Variants in DTWD2 observed in about 807,000 individuals in gnomAD.
DTWD2 encodes the protein tRNA-uridine aminocarboxypropyltransferase 2.
DTWD2 carries 39 observed loss-of-function variants against 31.8 expected under a neutral mutation model. That is an observed-to-expected ratio of 1.22 (90% CI 0.95 to 1.60). The LOEUF is 1.60. DTWD2 is among the 40% of genes most tolerant of loss of function. The probability of loss-of-function intolerance (pLI) is 0.00; values close to 1 mark genes in which losing one functional copy is unlikely to be tolerated. For synonymous variants in DTWD2, 180 were observed against 142.8 expected, an observed-to-expected ratio of 1.26 and a Z score of -1.86; for missense variants, 515 against 381.5, an observed-to-expected ratio of 1.35 and a Z score of -2.92.
chr5:118,856,843 G>A (rs1752147064), intron 4 of DTWD2, among the ~76,000 whole-genome samples: 1 of 126,920 alleles, frequency 7.9e-6, no homozygotes, highest in African/African-American at 3.0e-5. Context: ...CGCAATCTCA[G>A]CTCACTGCAA....
chr5:118,938,917 A>C lies in DTWD2; in HGVS notation c.404+279T>G, dbSNP rs76108261. ...TTTAACAAAAATGATATAAACACTA[A>C]GTATATTTGCCTTTTAAGTTAAACA... is the stretch of plus-strand genomic sequence containing the variant. On this transcript the variant is annotated intron_variant, in intron 3 of 5. Coordinates refer to ENST00000510708, the MANE Select transcript of DTWD2 (RefSeq NM_173666.4). Among the ~76,000 whole-genome samples the C allele has an allele frequency of 6.1e-3, 923 of 152,072 alleles. 19 individuals carry two copies. Among genetic ancestry groups the C allele is most frequent in the African/African-American group, 0.021 (872 of 41,522 alleles).
chr5:118,928,546 A>T lies in DTWD2; in HGVS notation c.588T>A (p.His196Gln). The T allele has an allele frequency of 1.3e-6, 2 of 1,503,852 alleles. No homozygotes were observed. Among genetic ancestry groups the T allele is most frequent in the Non-Finnish European group, 1.8e-6 (2 of 1,128,914 alleles). The allele number at this position is 1,503,852 out of a possible 1,614,324, so 93.2% of individuals were successfully genotyped here. ...AAAATTACTAGTTTACCTGTTTGGGATGTCGGAACAAGGAGTTCTTATAGA... is the reference window on the plus strand; with the variant it reads ...AAAATTACTAGTTTACCTGTTTGGGTTGTCGGAACAAGGAGTTCTTATAGA... The part of the protein sequence containing the change: ...DIFYKNSLFR[H>Q]PKQVQLKTSI... The change falls in exon 4 of 6, where the codon CAT becomes CAA. Residue 196 changes from histidine (H) to glutamine (Q), a missense_variant. Physicochemically the swap from His to Gln is conservative, Grantham distance 24. Coordinates refer to ENST00000510708, the MANE Select transcript of DTWD2 (RefSeq NM_173666.4).
intron 4 of DTWD2, among the ~76,000 whole-genome samples, chr5:118,922,205 G>A (rs1407721240): frequency 6.6e-6 from 1 of 152,176 alleles, no homozygotes; most frequent in Admixed American, 6.5e-5. Context: ...AAATTAAAAG[G>A]AGGCCAAGTT....
intron 4 of DTWD2, among the ~76,000 whole-genome samples, chr5:118,861,583 T>TTA (rs1554062273): frequency 0.041 from 6,282 of 152,072 alleles, 439 homozygotes; most frequent in African/African-American, 0.14. Flanking sequence ...GATTTTTTTT[T>TTA]AAAAAAGAAT....
chr5:118,848,450 T>C (rs1220324032), intron 4 of DTWD2, among the ~76,000 whole-genome samples: 1 of 152,114 alleles, frequency 6.6e-6, no homozygotes, highest in Non-Finnish European at 1.5e-5. Flanking sequence ...AAAAGACTAA[T>C]AATCCCCTTG....
At chr5:118,947,664 A>C (rs1049015388) in intron 1 of DTWD2, among the ~76,000 whole-genome samples, 3 of 152,166 alleles carry the variant, frequency 2.0e-5, no homozygotes, top group Non-Finnish European at 2.9e-5. Flanking sequence ...GAAAACAGGA[A>C]TGCATGTTCT....
chr5:118,883,446 C>G (rs939002813), intron 4 of DTWD2, among the ~76,000 whole-genome samples: 3 of 152,178 alleles, frequency 2.0e-5, no homozygotes, highest in African/African-American at 7.2e-5. Flanking sequence ...ATCTTTATAG[C>G]AGTACCCACT....
intron 4 of DTWD2, among the ~76,000 whole-genome samples, chr5:118,884,260 C>A (rs991378166): frequency 4.6e-5 from 7 of 152,204 alleles, no homozygotes; most frequent in Non-Finnish European, 1.0e-4. Context: ...AACTCACCCA[C>A]AGAACCTGAA....
At chr5:118,845,383 G>C (rs1185084593) in intron 5 of DTWD2, among the ~76,000 whole-genome samples, 1 of 152,060 alleles carries the variant, frequency 6.6e-6, no homozygotes. Context: ...ATTTATTATC[G>C]CAACTAGATG....
At chr5:118,984,995 C>G (rs1755391529) in intron 1 of DTWD2, among the ~76,000 whole-genome samples, 1 of 151,974 alleles carries the variant, frequency 6.6e-6, no homozygotes, top group Non-Finnish European at 1.5e-5. Context: ...AACTTGTCAC[C>G]ACCTTTCAAA....
intron 3 of DTWD2, among the ~76,000 whole-genome samples, chr5:118,938,752 A>G (rs546013250): frequency 1.2e-3 from 186 of 149,858 alleles, no homozygotes; most frequent in African/African-American, 4.4e-3. Flanking sequence ...AGTAAGCACT[A>G]TATTAGGCAC....
At chr5:118,880,002 G>C (rs922606132) in intron 4 of DTWD2, among the ~76,000 whole-genome samples, 3 of 152,172 alleles carry the variant, frequency 2.0e-5, no homozygotes, top group African/African-American at 7.2e-5. Flanking sequence ...AAGCGCGATA[G>C]AGTGAATACA....
intron 4 of DTWD2, among the ~76,000 whole-genome samples, chr5:118,883,409 C>T (rs1034488940): frequency 6.6e-6 from 1 of 152,218 alleles, no homozygotes; most frequent in Non-Finnish European, 1.5e-5. Flanking sequence ...TTACCAAATT[C>T]CAAAGCTGCT....
In DTWD2 at chr5:118,968,565, G is replaced by A. The variant is rs188765732; in HGVS notation, c.218+19729C>T. Among the ~76,000 whole-genome samples, 19 of 152,292 alleles carry A rather than the reference G, an allele frequency of 1.2e-4. No individual in the cohort carries two copies. In the East Asian group the frequency reaches 2.1e-3, roughly 17 times the overall value. Reference sequence around the variant, plus strand: ...CCCTACCCCAGCCAAGGGAGGCAGTGAGTGTGCGACCCCACCCAGGAAACC... The same window carrying A: ...CCCTACCCCAGCCAAGGGAGGCAGTAAGTGTGCGACCCCACCCAGGAAACC... On this transcript the variant is annotated intron_variant, in intron 1 of 5. Coordinates refer to ENST00000510708, the MANE Select transcript of DTWD2 (RefSeq NM_173666.4).
At chr5:118,892,528 A>G (rs1752996798) in intron 4 of DTWD2, among the ~76,000 whole-genome samples, 2 of 152,156 alleles carry the variant, frequency 1.3e-5, no homozygotes, top group Non-Finnish European at 1.5e-5. Flanking sequence ...CATGAAATGT[A>G]TATTTGACAA....
At position 118,988,349 on chromosome 5, in the gene DTWD2, G is replaced by C; in HGVS notation, c.163C>G (p.Leu55Val). 2 of 1,559,500 alleles carry C rather than the reference G, an allele frequency of 1.3e-6. No individual in the cohort carries two copies. Among genetic ancestry groups the C allele is most frequent in the East Asian group, 2.4e-5 (1 of 41,396 alleles). ...AEADDDSADG[L>V]WELPVEPAER... ...GCCGGCTCCACCGGCAGCTCCCACA[G>C]CCCGTCCGCACTGTCGTCGTCCGCC... is the stretch of plus-strand genomic sequence containing the variant. Residue 55 changes from leucine to valine, a missense_variant, in exon 1 of 6, where the codon CTG (leucine) becomes GTG (valine). By Grantham distance (32) the Leu-to-Val change is conservative (BLOSUM62 1). Coordinates refer to ENST00000510708, the MANE Select transcript of DTWD2 (RefSeq NM_173666.4).
intron 4 of DTWD2, among the ~76,000 whole-genome samples, chr5:118,917,884 G>C (rs949213928): frequency 6.6e-6 from 1 of 151,868 alleles, no homozygotes; most frequent in African/African-American, 2.4e-5. Flanking sequence ...AGAATCGCTT[G>C]AACCCAGGAG....
intron 4 of DTWD2, among the ~76,000 whole-genome samples, chr5:118,869,315 T>A (rs939672561): frequency 2.0e-5 from 3 of 152,058 alleles, no homozygotes; most frequent in African/African-American, 7.2e-5. Context: ...TGGGATCTGA[T>A]TGGTAGAAAT....
chr5:118,923,850 C>T (rs1753755575), intron 4 of DTWD2, among the ~76,000 whole-genome samples: 1 of 152,162 alleles, frequency 6.6e-6, no homozygotes, highest in Non-Finnish European at 1.5e-5. Flanking sequence ...AACAGCCTGA[C>T]TCTGATAGAA....
Sources: gnomAD v4.1 joint callset for allele counts (sites outside exome capture counted in the v4.1 genomes callset) on GRCh38, gnomAD v4.1.1 for gene constraint, MANE v1.5 for transcripts, NCBI Gene and HGNC (gene_info 2026-07-23, HGNC 2026-07-21) for gene names.